MYEF2: variants seen among roughly 807,000 people sequenced by gnomAD.
MYEF2 encodes the protein myelin expression factor 2.
In MYEF2, 37 loss-of-function variants were observed where a neutral mutation model predicts 75.2. The ratio of observed to expected loss-of-function variants is 0.49; its 90% CI spans 0.38 to 0.65. The LOEUF (loss-of-function observed/expected upper bound fraction) is 0.65, where lower values mean the gene tolerates loss of function less well. Among genes scored for constraint, MYEF2 ranks in the 30% least tolerant of loss-of-function variants. MYEF2 has a pLI of 0.00. For missense variants in MYEF2, 634 were observed against 771.4 expected, an observed-to-expected ratio of 0.82 and a Z score of 2.11; for synonymous variants, 195 against 241.6, an observed-to-expected ratio of 0.81 and a Z score of 1.79.
chr15:48,154,248 A>T (rs1459992832), intron 9 of MYEF2, among the ~76,000 whole-genome samples: 1 of 152,150 alleles, frequency 6.6e-6, no homozygotes, highest in Non-Finnish European at 1.5e-5. Context: ...TCTTGCCCAA[A>T]TTTGTAGACC....
intron 9 of MYEF2, among the ~76,000 whole-genome samples, chr15:48,155,180 T>A (rs1392214396): frequency 6.6e-6 from 1 of 151,944 alleles, no homozygotes; most frequent in Non-Finnish European, 1.5e-5. Context: ...ACACCCTTTA[T>A]AAGGGGCATG....
chr15:48,165,382 TTACAC>T (rs1188723696), intron 5 of MYEF2, among the ~76,000 whole-genome samples: 1 of 152,078 alleles, frequency 6.6e-6, no homozygotes, highest in Non-Finnish European at 1.5e-5. Flanking sequence ...GTCAACCTGT[TTACAC>T]TGCTACAATT....
chr15:48,152,389 T>C (rs971103924), intron 10 of MYEF2, 105 bp from the exon 11 acceptor site: 1 of 932,372 alleles, frequency 1.1e-6, no homozygotes, highest in Non-Finnish European at 1.7e-6. Context: ...ATAACCACAA[T>C]GAAACACTAG....
At chr15:48,164,410 A>C (rs1016217841) in intron 5 of MYEF2, among the ~76,000 whole-genome samples, 10 of 152,196 alleles carry the variant, frequency 6.6e-5, no homozygotes, top group Admixed American at 2.0e-4. Flanking sequence ...TACTTCTTGT[A>C]TGAGCAAAGA....
At chr15:48,168,002 T>G (rs1038475204) in intron 2 of MYEF2, among the ~76,000 whole-genome samples, 2 of 152,076 alleles carry the variant, frequency 1.3e-5, no homozygotes, top group African/African-American at 4.8e-5. Flanking sequence ...TTTGCAGGAC[T>G]GTTGAAACTC....
At position 48,159,605 on chromosome 15, in the gene MYEF2, G is replaced by A; in HGVS notation, c.717+8C>T. 6 of 1,608,854 alleles carry A rather than the reference G, an allele frequency of 3.7e-6. No homozygotes were observed. Among genetic ancestry groups the A allele is most frequent in the Non-Finnish European group, 4.2e-6 (5 of 1,177,932 alleles). On this transcript the variant is annotated splice_region_variant and intron_variant, in intron 6 of 16. Coordinates refer to ENST00000324324, the MANE Select transcript of MYEF2 (RefSeq NM_016132.5). ...AATGACAAATTTTAGACTAAAGCTT[G>A]AACTTACATTGGCAACAAAAATTGT...
Position 48,149,877 on chromosome 15 carries a change from G to A in MYEF2, c.1379-506C>T, listed in dbSNP as rs1315317459. On this transcript the variant is annotated intron_variant, in intron 14 of 16. Transcript: ENST00000324324. The surrounding 1 kb of genome is among the most constrained non-coding windows in gnomAD (Gnocchi z 4.0). ...CCTACAAGTAAATACTCCTTTCCTA[G>A]CTTATCTTTCACCTCAGCATCTTCA... 1.3e-5 allele frequency: 2 copies of A among 152,142 alleles called. No homozygotes were observed. Among genetic ancestry groups the A allele is most frequent in the African/African-American group, 4.8e-5 (2 of 41,358 alleles). 9.4% of individuals were successfully genotyped at this position (152,142 alleles called of 1,614,324 possible).
chr15:48,154,110 C>T (rs1288046238), intron 9 of MYEF2: 1 of 442,668 alleles, frequency 2.3e-6, no homozygotes, highest in Non-Finnish European at 4.1e-6. Flanking sequence ...TGAAATAAAA[C>T]ATGATATAAT....
chr15:48,176,976 C>T (rs1283578617), intron 1 of MYEF2, among the ~76,000 whole-genome samples: 1 of 152,116 alleles, frequency 6.6e-6, no homozygotes, highest in Non-Finnish European at 1.5e-5. Flanking sequence ...TCTTTTTTGC[C>T]ACCAACTTTT....
chr15:48,165,000 C>A (rs2040084196), intron 5 of MYEF2, among the ~76,000 whole-genome samples: 1 of 152,010 alleles, frequency 6.6e-6, no homozygotes, highest in African/African-American at 2.4e-5. Flanking sequence ...CAAGGTATGC[C>A]TCTATTATCA....
chr15:48,164,351 G>A (rs996529727), intron 5 of MYEF2, among the ~76,000 whole-genome samples: 1 of 152,158 alleles, frequency 6.6e-6, no homozygotes, highest in Non-Finnish European at 1.5e-5. Flanking sequence ...TCCTGAAGAT[G>A]TGAATAAATT....
chr15:48,178,029 A>T, intron 1 of MYEF2, 48 bp downstream of exon 1: 1 of 1,551,896 alleles, frequency 6.4e-7, no homozygotes, highest in Non-Finnish European at 8.7e-7. Flanking sequence ...CGCCCGGTAG[A>T]CTCCCCGCCC....
Position 48,151,083 on chromosome 15 carries a change from G to C in MYEF2, c.1378+17C>G. On this transcript the variant is annotated intron_variant, in intron 14 of 16. Coordinates refer to ENST00000324324, the MANE Select transcript of MYEF2 (RefSeq NM_016132.5). ...CTCAAATATTACTGAATAAATTCTA[G>C]TAAAATTTAAACCTACTTATTCCAG... 1.3e-6 allele frequency: 2 copies of C among 1,564,302 alleles called. No individual in the cohort carries two copies. The highest frequency in any genetic ancestry group is 1.7e-6 in the Non-Finnish European group (2 of 1,145,552).
Position 48,142,578 on chromosome 15 carries a change from C to T in MYEF2, c.*330G>A, listed in dbSNP as rs980142660. On this transcript the variant is annotated 3_prime_UTR_variant, in exon 17 of 17. Coordinates refer to ENST00000324324, the MANE Select transcript of MYEF2 (RefSeq NM_016132.5). ...TTGGGGGGAAAAAATCTATGTTTTA[C>T]CATACAATAAGTTGACAAAAACTGG... 1.5e-5 allele frequency: 7 copies of T among 461,962 alleles called. No individual in the cohort carries two copies. The highest frequency in any genetic ancestry group is 1.4e-4 in the African/African-American group (7 of 49,978). The allele number at this position is 461,962 out of a possible 1,614,324, so 28.6% of individuals were successfully genotyped here.
intron 16 of MYEF2, among the ~76,000 whole-genome samples, chr15:48,147,893 C>T (rs982766538): frequency 1.3e-5 from 2 of 151,936 alleles, no homozygotes; most frequent in African/African-American, 4.8e-5. Flanking sequence ...TGAACATCTA[C>T]CCAGAATGCT....
chr15:48,136,930 A>G lies in MYEF2; in HGVS notation c.*5978T>C, dbSNP rs764396166. On this transcript the variant is annotated 3_prime_UTR_variant, in exon 17 of 17. Coordinates refer to ENST00000324324, the MANE Select transcript of MYEF2 (RefSeq NM_016132.5). ...AGATTCTGGCTACTCTCAGCTCTCT[A>G]TAAGTTTACATGGCCTTAGTCAGGT... 13 of 1,613,428 alleles carry G rather than the reference A, an allele frequency of 8.1e-6. No homozygotes were observed. Among genetic ancestry groups the G allele is most frequent in the East Asian group, 2.2e-5 (1 of 44,864 alleles).
intron 11 of MYEF2, 111 bp downstream of exon 11, chr15:48,152,123 A>G: frequency 3.2e-6 from 4 of 1,232,060 alleles, no homozygotes; most frequent in South Asian, 1.2e-5. Flanking sequence ...AGCCTTTAGA[A>G]CATGAGCCAA....
intron 12 of MYEF2, 124 bp downstream of exon 12, chr15:48,151,750 T>A (rs1272971458): frequency 1.6e-6 from 2 of 1,224,842 alleles, no homozygotes; most frequent in Admixed American, 3.5e-5. Context: ...CCTGTCCTTA[T>A]CCCCTAGTGC....
At position 48,164,452 on chromosome 15, in the gene MYEF2, G is replaced by A. The variant is rs562689302; in HGVS notation, c.525+1481C>T. Among the ~76,000 whole-genome samples, 19 of 152,296 alleles carry A rather than the reference G, an allele frequency of 1.2e-4. 1 individual carries two copies. The highest frequency in any genetic ancestry group is 4.3e-4 in the African/African-American group (18 of 41,572). ...TTTCTTGAGATGGAATCTACACCTG[G>A]TGAATATGCTATGTACACTGTTGAA... On this transcript the variant is annotated intron_variant, in intron 5 of 16. Coordinates refer to ENST00000324324, the MANE Select transcript of MYEF2 (RefSeq NM_016132.5).
Sources: allele counts gnomAD v4.1 joint callset (sites outside exome capture counted in the v4.1 genomes callset), GRCh38; gene constraint gnomAD v4.1.1; non-coding constraint Gnocchi (gnomAD v3.1); transcripts MANE v1.5; gene names NCBI Gene and HGNC (gene_info 2026-07-23, HGNC 2026-07-21).